SRSF4: variants seen among roughly 807,000 people sequenced by gnomAD.
SRSF4 encodes serine/arginine-rich splicing factor 4.
A neutral mutation model predicts 48.8 loss-of-function variants in SRSF4; 12 were observed. That is an observed-to-expected ratio of 0.25 (90% CI 0.16 to 0.40). The LOEUF (loss-of-function observed/expected upper bound fraction) is 0.40. SRSF4 is among the 10% of genes least tolerant of loss of function. SRSF4 has a pLI of 1.00. For synonymous variants in SRSF4, 248 were observed against 232.5 expected (o/e 1.07, Z -0.61); for missense variants, 466 against 667.1 (o/e 0.70, Z 3.32).
intron 3 of SRSF4, among the ~76,000 whole-genome samples, chr1:29,155,116 C>T (rs1672477076): frequency 6.6e-6 from 1 of 152,150 alleles, no homozygotes; most frequent in Admixed American, 6.5e-5. Context: ...ACAATAAATA[C>T]ACATTAAATT....
At chr1:29,165,234 C>G (rs113208600) in intron 1 of SRSF4, among the ~76,000 whole-genome samples, 61 of 152,292 alleles carry the variant, frequency 4.0e-4, no homozygotes, top group African/African-American at 1.4e-3. Flanking sequence ...CTGGATACCA[C>G]AAACAAAAGC....
intron 2 of SRSF4, 47 bp downstream of exon 2, chr1:29,160,328 A>G (rs371048103): frequency 3.9e-6 from 6 of 1,537,174 alleles, no homozygotes; most frequent in Middle Eastern, 1.7e-4. Flanking sequence ...AATTAGCATG[A>G]TAACAAAAGC....
intron 1 of SRSF4, among the ~76,000 whole-genome samples, chr1:29,178,620 T>C (rs1672907780): frequency 6.6e-6 from 1 of 152,136 alleles, no homozygotes; most frequent in African/African-American, 2.4e-5. Context: ...CCTCCCAAAG[T>C]GCTGGGATTA....
At chr1:29,177,007 G>GT (rs142212000) in intron 1 of SRSF4, among the ~76,000 whole-genome samples, 49,379 of 151,996 alleles carry the variant, frequency 0.32, 9,961 homozygotes, top group Non-Finnish European at 0.44. Context: ...TTAATATGTG[G>GT]TAAGTTTTAC....
intron 1 of SRSF4, among the ~76,000 whole-genome samples, chr1:29,164,874 C>G (rs1380349632): frequency 6.6e-6 from 1 of 152,196 alleles, no homozygotes; most frequent in Non-Finnish European, 1.5e-5. Flanking sequence ...TAATGTTTCT[C>G]TGCAATAGGT....
At chr1:29,162,012 C>T (rs1672604434) in intron 1 of SRSF4, among the ~76,000 whole-genome samples, 1 of 152,140 alleles carries the variant, frequency 6.6e-6, no homozygotes, top group Admixed American at 6.5e-5. Flanking sequence ...CTCAAGGTGA[C>T]AATGTGCTAG....
chr1:29,165,047 A>C (rs1204077697), intron 1 of SRSF4, among the ~76,000 whole-genome samples: 1 of 152,182 alleles, frequency 6.6e-6, no homozygotes, highest in African/African-American at 2.4e-5. Context: ...TCCCAAAAAA[A>C]ACCCTGAAAT....
rs1225234854 is a variant in SRSF4, at chr1:29,153,936, G to A, written c.578+760C>T. On this transcript the variant is annotated intron_variant, in intron 4 of 5. Transcript: ENST00000373795. ...CTTTTTGAGATGGAGTCTCCCTGTC[G>A]CCCAGGCTGGAGTGGAATAGTGCGA... Among the ~76,000 whole-genome samples the A allele has an allele frequency of 2.6e-5, 4 of 151,676 alleles. No individual in the cohort carries two copies. The South Asian group carries it at 6.2e-4, about 24-fold the overall frequency.
At position 29,167,869 on chromosome 1, in the gene SRSF4, A is replaced by C. The variant is rs144938537; in HGVS notation, c.108-7352T>G. 3.5e-4 allele frequency among the ~76,000 whole-genome samples: 53 copies of C among 152,318 alleles called. No individual in the cohort carries two copies. The Middle Eastern group carries it at 0.01, about 29-fold the overall frequency. Reference sequence around the variant, plus strand: ...TATCAAATGTGAAGAATGTATTATTATTCTTCTCATTTTACAATGAGAAAC... The same window carrying C: ...TATCAAATGTGAAGAATGTATTATTCTTCTTCTCATTTTACAATGAGAAAC... On this transcript the variant is annotated intron_variant, in intron 1 of 5. Transcript: ENST00000373795.
In SRSF4 at chr1:29,148,136, G is replaced by C. The variant is rs545785957; in HGVS notation, c.*274C>G. ...AGGTTACTGAGCTCCCTGTAGGAAA[G>C]GCCAGGCCTGAAAGCCAAGGCGTTT... On this transcript the variant is annotated 3_prime_UTR_variant, in exon 6 of 6. Transcript: ENST00000373795. 3.4e-6 allele frequency: 2 copies of C among 590,892 alleles called. No homozygotes were observed. Among genetic ancestry groups the C allele is most frequent in the African/African-American group, 1.8e-5 (1 of 54,986 alleles). The allele number at this position is 590,892 out of a possible 1,614,324, so 36.6% of individuals were successfully genotyped here. A position where few individuals can be genotyped will look rare whatever the true frequency, so the allele number is the denominator to read the frequency against.
chr1:29,173,106 T>TTA (rs1672770754), intron 1 of SRSF4: 1 of 151,774 alleles, frequency 6.6e-6, no homozygotes. Context: ...TAACCTACAT[T>TTA]TATTCTCTAA....
chr1:29,160,337 G>T, intron 2 of SRSF4, 38 bp downstream of exon 2: 1 of 1,572,394 alleles, frequency 6.4e-7, no homozygotes, highest in Non-Finnish European at 8.6e-7. Flanking sequence ...GATAACAAAA[G>T]CACGTTACTG....
At chr1:29,178,898 G>T (rs915509471) in intron 1 of SRSF4, among the ~76,000 whole-genome samples, 1 of 152,162 alleles carries the variant, frequency 6.6e-6, no homozygotes, top group Admixed American at 6.5e-5. Flanking sequence ...ATTCCTCAAT[G>T]ATGCCAGGAG....
intron 1 of SRSF4, among the ~76,000 whole-genome samples, chr1:29,161,505 T>G (rs1357742816): frequency 6.6e-6 from 1 of 152,242 alleles, no homozygotes; most frequent in African/African-American, 2.4e-5. Flanking sequence ...AGTGTTCCTC[T>G]GCATTTAAAC....
Position 29,148,547 on chromosome 1 carries a change from A to T in SRSF4, c.1348T>A (p.Ser450Thr). 2 of 1,613,944 alleles carry T rather than the reference A, an allele frequency of 1.2e-6. No individual in the cohort carries two copies. The highest frequency in any genetic ancestry group is 1.7e-6 in the Non-Finnish European group (2 of 1,179,990). The part of the protein sequence containing the change: ...TRSRSRSNSK[S>T]KPNLPSESRS... ...GATTCTGATGGAAGGTTTGGTTTCGATTTGGAATTGGATCTCGACCTGGAC... is the reference window on the plus strand; with the variant it reads ...GATTCTGATGGAAGGTTTGGTTTCGTTTTGGAATTGGATCTCGACCTGGAC... The change falls in exon 6 of 6, where the codon TCG becomes ACG. Residue 450 changes from serine (S) to threonine (T), a missense_variant. By Grantham distance (58) the Ser-to-Thr change is moderately conservative. Around this residue, in one of 2 missense-constraint regions of SRSF4, gnomAD observed 402 missense variants for 437.0 expected, o/e 0.92. Coordinates refer to ENST00000373795, the MANE Select transcript of SRSF4 (RefSeq NM_005626.5).
At chr1:29,171,773 T>C (rs1416816143) in intron 1 of SRSF4, 2 of 152,124 alleles carry the variant, frequency 1.3e-5, no homozygotes, top group Non-Finnish European at 2.9e-5. Context: ...TATTACCGAG[T>C]CTATATCCTG....
intron 2 of SRSF4, chr1:29,159,806 C>G (rs973398135): frequency 5.0e-6 from 1 of 199,022 alleles, no homozygotes; most frequent in African/African-American, 2.4e-5. Context: ...TGGTGTTACT[C>G]ACAGTGATTA....
chr1:29,159,879 C>A, intron 2 of SRSF4: 1 of 181,982 alleles, frequency 5.5e-6, no homozygotes, highest in East Asian at 1.6e-4. Flanking sequence ...TCAGTTTAAT[C>A]TCATCTGTGT....
chr1:29,154,284 C>T (rs1558387579), intron 4 of SRSF4, among the ~76,000 whole-genome samples: 2 of 152,056 alleles, frequency 1.3e-5, no homozygotes. Flanking sequence ...AGGCTGGTCT[C>T]GACTCCTGAC....
Sources: allele counts gnomAD v4.1 joint callset (sites outside exome capture counted in the v4.1 genomes callset), GRCh38; gene constraint gnomAD v4.1.1; regional missense constraint gnomAD v4.1.1; transcripts MANE v1.5; gene names NCBI Gene and HGNC (gene_info 2026-07-23, HGNC 2026-07-21).